Variants in ADAMTSL1 observed in about 807,000 individuals in gnomAD.
ADAMTSL1 encodes ADAMTS like 1, also known as ADAMTS-like protein 1.
ADAMTSL1 carries 126 observed loss-of-function variants against 201.8 expected under a neutral mutation model. That is an observed-to-expected ratio of 0.62 (90% CI 0.54 to 0.72). The LOEUF (loss-of-function observed/expected upper bound fraction) is 0.72. ADAMTSL1 is among the 30% of genes least tolerant of loss of function. ADAMTSL1 has a pLI of 0.00. For synonymous variants in ADAMTSL1, 1,121 were observed against 903.4 expected, an observed-to-expected ratio of 1.24 and a Z score of -4.32; for missense variants, 2,679 against 2,277.8, an observed-to-expected ratio of 1.18 and a Z score of -3.59.
chr9:18,415,922 G>A (rs1012061235), intron 2 of ADAMTSL1, among the ~76,000 whole-genome samples: 1 of 152,016 alleles, frequency 6.6e-6, no homozygotes, highest in East Asian at 1.9e-4. Context: ...AGGAAAAAAA[G>A]GTGATAATCT....
chr9:18,257,868 A>G (rs755739300), intron 2 of ADAMTSL1, among the ~76,000 whole-genome samples: 1 of 152,246 alleles, frequency 6.6e-6, no homozygotes, highest in African/African-American at 2.4e-5. Flanking sequence ...TAAAATAAGG[A>G]CAAATACTAT....
At chr9:18,563,149 A>C (rs1821643478) in intron 3 of ADAMTSL1, among the ~76,000 whole-genome samples, 1 of 152,018 alleles carries the variant, frequency 6.6e-6, no homozygotes, top group Non-Finnish European at 1.5e-5. Context: ...ATCTTAATGG[A>C]TTTATCTACC....
In ADAMTSL1 at chr9:18,735,831, G is replaced by T. The variant is rs1182786421; in HGVS notation, c.2006+14166G>T. Among the ~76,000 whole-genome samples, 32 of 140,822 alleles carry T rather than the reference G, an allele frequency of 2.3e-4. 1 individual carries two copies. The highest frequency in any genetic ancestry group is 6.0e-5 in the Non-Finnish European group (4 of 66,490). 92.4% of individuals were successfully genotyped at this position (140,822 alleles called of 152,430 possible). A position where few individuals can be genotyped will look rare whatever the true frequency, so the allele number is the denominator to read the frequency against. ...AGTGGTGTAATCATGGCTGACTACA[G>T]CCTCAACCTCCTGGGCTCATAAAGC... On this transcript the variant is annotated intron_variant, in intron 15 of 28. Coordinates refer to ENST00000380548, the MANE Select transcript of ADAMTSL1 (RefSeq NM_001040272.6).
intron 2 of ADAMTSL1, among the ~76,000 whole-genome samples, chr9:18,388,906 G>A (rs1199815649): frequency 6.6e-6 from 1 of 151,802 alleles, no homozygotes; most frequent in Admixed American, 6.6e-5. Context: ...ACAGGTGCCT[G>A]CCACCTCACC....
chr9:18,091,087 G>C (rs1364190442), intron 1 of ADAMTSL1, among the ~76,000 whole-genome samples: 1 of 151,944 alleles, frequency 6.6e-6, no homozygotes, highest in Non-Finnish European at 1.5e-5. Context: ...GTGTGTGTGT[G>C]TGTGTGTGTA....
At chr9:18,718,642 G>T in intron 14 of ADAMTSL1, 1 of 359,604 alleles carries the variant, frequency 2.8e-6, no homozygotes, top group Non-Finnish European at 5.5e-6. Flanking sequence ...CGCTGCCGCC[G>T]CCGCTCCAGC....
intron 2 of ADAMTSL1, among the ~76,000 whole-genome samples, chr9:18,207,042 G>T (rs902428569): frequency 6.6e-6 from 1 of 152,126 alleles, no homozygotes; most frequent in Non-Finnish European, 1.5e-5. Context: ...GTGCATGCCT[G>T]TAATCCCAGC....
chr9:18,737,959 CT>C (rs753869625), intron 15 of ADAMTSL1, among the ~76,000 whole-genome samples: 14 of 152,178 alleles, frequency 9.2e-5, no homozygotes, highest in Admixed American at 2.6e-4. Flanking sequence ...CATTTAACCC[CT>C]CTCTGTCCTC....
At chr9:17,993,581 C>T (rs1819250428) in intron 1 of ADAMTSL1, among the ~76,000 whole-genome samples, 1 of 152,126 alleles carries the variant, frequency 6.6e-6, no homozygotes, top group Non-Finnish European at 1.5e-5. Context: ...TGACAGGATT[C>T]TCTCATTGTC....
intron 1 of ADAMTSL1, among the ~76,000 whole-genome samples, chr9:17,909,068 C>T (rs1430550120): frequency 2.7e-5 from 4 of 148,980 alleles, no homozygotes; most frequent in African/African-American, 4.9e-5. Flanking sequence ...TCTCTGATGG[C>T]CAGTGATGGT....
chr9:18,098,410 A>T (rs1227167568), intron 1 of ADAMTSL1, among the ~76,000 whole-genome samples: 7 of 152,002 alleles, frequency 4.6e-5, no homozygotes. Context: ...TAGATCTTTA[A>T]TTTCTCTTTG....
chr9:18,136,532 T>A (rs1826164520), intron 1 of ADAMTSL1, among the ~76,000 whole-genome samples: 1 of 151,218 alleles, frequency 6.6e-6, no homozygotes, highest in Non-Finnish European at 1.5e-5. Flanking sequence ...TTTAGTAGAG[T>A]AGGAAAGAGA....
chr9:17,914,547 A>G (rs1273100588), intron 1 of ADAMTSL1, among the ~76,000 whole-genome samples: 1 of 151,718 alleles, frequency 6.6e-6, no homozygotes, highest in East Asian at 1.9e-4. Context: ...TATCTATGAC[A>G]AACCCACAGC....
rs140235038 is a variant in ADAMTSL1 at position 18,676,967 on chromosome 9, C to A, written c.1136+1060C>A. ...CTTCCCGAACAATCACAACCATATA[C>A]CACAGATATGTTAAATATATATTTA... On this transcript the variant is annotated intron_variant, in intron 10 of 28. Transcript: ENST00000380548. Among the ~76,000 whole-genome samples, 873 of 152,062 alleles carry A rather than the reference C, an allele frequency of 5.7e-3. 5 individuals are homozygous for A. Among genetic ancestry groups the A allele is most frequent in the African/African-American group, 0.02 (840 of 41,514 alleles).
intron 1 of ADAMTSL1, among the ~76,000 whole-genome samples, chr9:17,995,172 C>T (rs1484534723): frequency 6.6e-6 from 1 of 152,096 alleles, no homozygotes; most frequent in East Asian, 1.9e-4. Context: ...CTTCCATCTT[C>T]CTCTTCTTAA....
chr9:18,908,102 G>A, intron 28 of ADAMTSL1: 2 of 319,094 alleles, frequency 6.3e-6, no homozygotes, highest in Admixed American at 9.2e-5. Context: ...CCTAGGGGGA[G>A]AGGTGATCAC....
chr9:18,653,227 C>T (rs1828406626), intron 7 of ADAMTSL1, among the ~76,000 whole-genome samples: 1 of 152,148 alleles, frequency 6.6e-6, no homozygotes, highest in African/African-American at 2.4e-5. Flanking sequence ...AGATCCCTGC[C>T]CAATCCTGCC....
chr9:18,068,625 A>G (rs1416231438), intron 1 of ADAMTSL1, among the ~76,000 whole-genome samples: 2 of 152,166 alleles, frequency 1.3e-5, no homozygotes, highest in Non-Finnish European at 2.9e-5. Flanking sequence ...AACCAAGCAG[A>G]GGTTCTCAGC....
At chr9:17,983,625 A>T (rs576449650) in intron 1 of ADAMTSL1, among the ~76,000 whole-genome samples, 31 of 152,326 alleles carry the variant, frequency 2.0e-4, no homozygotes, top group African/African-American at 7.0e-4. Flanking sequence ...TTCAATTTAA[A>T]ATGTGTAAAT....
Sources: allele counts gnomAD v4.1 joint callset (sites outside exome capture counted in the v4.1 genomes callset), GRCh38; gene constraint gnomAD v4.1.1; transcripts MANE v1.5; gene names NCBI Gene and HGNC (gene_info 2026-07-23, HGNC 2026-07-21).